TMEM233: variants seen among roughly 807,000 people sequenced by gnomAD.
TMEM233 encodes transmembrane protein 233, also known as dispanin subfamily B member 2.
In TMEM233, 6 loss-of-function variants were observed where a neutral mutation model predicts 11.2. The ratio of observed to expected loss-of-function variants is 0.54; its 90% CI spans 0.29 to 1.06. The LOEUF (loss-of-function observed/expected upper bound fraction) is 1.06. TMEM233 is among the 50% of genes least tolerant of loss of function. TMEM233 has a pLI of 0.08. For synonymous variants in TMEM233, 59 were observed against 55.8 expected (o/e 1.06, Z -0.26); for missense variants, 127 against 144.7 (o/e 0.88, Z 0.63).
At chr12:119,608,891 C>T (rs975467506) in intron 1 of TMEM233, among the ~76,000 whole-genome samples, 3 of 152,110 alleles carry the variant, frequency 2.0e-5, no homozygotes, top group African/African-American at 7.2e-5. Flanking sequence ...AGATAAATGC[C>T]CGCCTTTCTT....
intron 2 of TMEM233, chr12:119,634,298 C>T (rs1202064188): frequency 3.0e-6 from 3 of 984,338 alleles, no homozygotes; most frequent in African/African-American, 1.7e-5. Flanking sequence ...TGTGAGTTTT[C>T]TGAAAGTATT....
chr12:119,653,971 T>TA, the TMEM233 span, among the ~76,000 whole-genome samples: 45 of 139,600 alleles, frequency 3.2e-4, no homozygotes, highest in South Asian at 1.4e-3. Flanking sequence ...TCCAAGAAGC[T>TA]AAAAAAAAAA....
At chr12:119,604,584 C>G (rs1421066910) in intron 1 of TMEM233, among the ~76,000 whole-genome samples, 1 of 152,082 alleles carries the variant, frequency 6.6e-6, no homozygotes, top group African/African-American at 2.4e-5. Context: ...CACCTCTCCC[C>G]CTTTCTTCCA....
chr12:119,638,107 T>C (rs913356565), intron 2 of TMEM233, among the ~76,000 whole-genome samples: 1 of 152,142 alleles, frequency 6.6e-6, no homozygotes, highest in Non-Finnish European at 1.5e-5. Context: ...CAGAAATGCA[T>C]GTAACACAGT....
downstream of TMEM233, among the ~76,000 whole-genome samples, chr12:119,646,339 A>C (rs1955152288): frequency 6.6e-6 from 1 of 152,242 alleles, no homozygotes. Flanking sequence ...GATTAAAGGC[A>C]TGAGCCACGG....
At chr12:119,621,245 G>T (rs1395424061) in intron 1 of TMEM233, among the ~76,000 whole-genome samples, 3 of 152,116 alleles carry the variant, frequency 2.0e-5, no homozygotes, top group Non-Finnish European at 4.4e-5. Flanking sequence ...TCCCTATCTT[G>T]CCCAGGTTGG....
rs1165953312 is a variant in TMEM233 at position 119,640,726 on chromosome 12, T to C, written c.*21T>C. Reference sequence around the variant, plus strand: ...CCTGAGGAACCAGCGGTCAGTGGGCTGTGAGCGTGGAGGATGGACCTCATC... The same window carrying C: ...CCTGAGGAACCAGCGGTCAGTGGGCCGTGAGCGTGGAGGATGGACCTCATC... On this transcript the variant is annotated 3_prime_UTR_variant, in exon 3 of 3. Transcript: ENST00000426426. 2 of 1,550,944 alleles carry C rather than the reference T, an allele frequency of 1.3e-6. No individual in the cohort carries two copies. The highest frequency in any genetic ancestry group is 1.4e-5 in the African/African-American group (1 of 73,098).
At chr12:119,627,658 C>T (rs947766787) in intron 1 of TMEM233, among the ~76,000 whole-genome samples, 24 of 152,166 alleles carry the variant, frequency 1.6e-4, no homozygotes, top group Admixed American at 9.2e-4. Context: ...GCCCCCTGAC[C>T]ACAACATCTC....
chr12:119,610,341 G>C (rs1305636974), intron 1 of TMEM233, among the ~76,000 whole-genome samples: 1 of 152,128 alleles, frequency 6.6e-6, no homozygotes. Context: ...TGAGACTTTG[G>C]ATCTGGACTT....
At position 119,615,207 on chromosome 12, in the gene TMEM233, C is replaced by A. The variant is rs992276616; in HGVS notation, c.187-14529C>A. Among the ~76,000 whole-genome samples, 19 of 120,744 alleles carry A rather than the reference C, an allele frequency of 1.6e-4. No homozygotes were observed. In the South Asian group the frequency reaches 2.7e-3, roughly 17 times the overall value. The allele number at this position is 120,744 out of a possible 152,430, so 79.2% of individuals were successfully genotyped here. ...AAAAAAAAAAAAAAAAAAAAAAAAA[C>A]TGCCTCCTCCACCCCACTTTCTTTG... On this transcript the variant is annotated intron_variant, in intron 1 of 2. Coordinates refer to ENST00000426426, the MANE Select transcript of TMEM233 (RefSeq NM_001136534.3).
chr12:119,604,234 A>G (rs538569188), intron 1 of TMEM233, among the ~76,000 whole-genome samples: 10 of 152,218 alleles, frequency 6.6e-5, no homozygotes, highest in Non-Finnish European at 1.5e-4. Flanking sequence ...GTGTGTGGTG[A>G]TAACAAATTT....
Position 119,642,546 on chromosome 12 carries a change from G to A in TMEM233, c.*1841G>A, listed in dbSNP as rs762444950. ...CTGAGAGTCAATACCTAGTTCCAAC[G>A]CCCTTTTGTTTTTGCAGGGTTTTTA... On this transcript the variant is annotated 3_prime_UTR_variant, in exon 3 of 3. Coordinates refer to ENST00000426426, the MANE Select transcript of TMEM233 (RefSeq NM_001136534.3). 6.6e-6 allele frequency: 1 copy of A among 152,124 alleles called. No homozygotes were observed. The allele number at this position is 152,124 out of a possible 1,614,324, so 9.4% of individuals were successfully genotyped here.
chr12:119,652,748 C>A, the TMEM233 span, among the ~76,000 whole-genome samples: 1 of 152,166 alleles, frequency 6.6e-6, no homozygotes, highest in African/African-American at 2.4e-5. Flanking sequence ...GAAAACAAAA[C>A]CAAACCAAAA....
rs1013951233 is a variant in TMEM233, at chr12:119,593,798, A to G, written c.-51A>G. 2.0e-6 allele frequency: 3 copies of G among 1,528,076 alleles called. No homozygotes were observed. In the African/African-American group the frequency reaches 4.1e-5, roughly 21 times the overall value. 94.7% of individuals were successfully genotyped at this position (1,528,076 alleles called of 1,614,324 possible). On this transcript the variant is annotated 5_prime_UTR_variant, in exon 1 of 3. Transcript: ENST00000426426. The surrounding 1 kb of genome is among the most constrained non-coding windows in gnomAD (Gnocchi z 4.1). ...CACAAGCCGGCGGCCAGAGCCCCAGACCACACAGACCGTGCGCTCCTCCGC... is the reference window on the plus strand; with the variant it reads ...CACAAGCCGGCGGCCAGAGCCCCAGGCCACACAGACCGTGCGCTCCTCCGC...
chr12:119,633,634 T>A (rs961099125), intron 2 of TMEM233, among the ~76,000 whole-genome samples: 1 of 152,052 alleles, frequency 6.6e-6, no homozygotes, highest in African/African-American at 2.4e-5. Context: ...TTAAAGGCTT[T>A]GTCATATGCA....
intron 1 of TMEM233, among the ~76,000 whole-genome samples, chr12:119,617,018 T>C (rs1467421357): frequency 6.6e-6 from 1 of 152,198 alleles, no homozygotes; most frequent in East Asian, 1.9e-4. Flanking sequence ...TATGTCTTTA[T>C]TAACAGCGTG....
intron 2 of TMEM233, chr12:119,634,307 T>C (rs1271835315): frequency 2.0e-5 from 20 of 983,398 alleles, no homozygotes; most frequent in Non-Finnish European, 2.2e-5. Context: ...TCTGAAAGTA[T>C]TCATTCCAAA....
Position 119,593,984 on chromosome 12 carries a change from T to G in TMEM233, c.136T>G (p.Phe46Val), listed in dbSNP as rs1272941642. 1 of 1,551,658 alleles carries G rather than the reference T, an allele frequency of 6.4e-7. No homozygotes were observed. Among genetic ancestry groups the G allele is most frequent in the South Asian group, 1.2e-5 (1 of 84,056 alleles). ...NYLWLTIVSC[F>V]CPAYPINIVA... ...CCTGTGGCTCACCATCGTCTCGTGT[T>G]TTTGCCCTGCGTACCCCATCAACAT... The change falls in exon 1 of 3, where the codon TTT becomes GTT. Residue 46 changes from phenylalanine to valine, a missense_variant. Phe to Val is a conservative substitution (Grantham distance 50). Coordinates refer to ENST00000426426, the MANE Select transcript of TMEM233 (RefSeq NM_001136534.3). The surrounding 1 kb of genome is among the most constrained non-coding windows in gnomAD (Gnocchi z 4.1).
chr12:119,639,932 A>G (rs1289730412), intron 2 of TMEM233, among the ~76,000 whole-genome samples: 2 of 152,196 alleles, frequency 1.3e-5, no homozygotes, highest in African/African-American at 4.8e-5. Flanking sequence ...GAATGAGTAA[A>G]ACAAAAAAAG....
Sources: allele counts gnomAD v4.1 joint callset (sites outside exome capture counted in the v4.1 genomes callset), GRCh38; gene constraint gnomAD v4.1.1; non-coding constraint Gnocchi (gnomAD v3.1); transcripts MANE v1.5; gene names NCBI Gene and HGNC (gene_info 2026-07-23, HGNC 2026-07-21).